Variants in DOCK2 observed in about 807,000 individuals in gnomAD.
The protein encoded by DOCK2 is dedicator of cytokinesis 2.
DOCK2 carries 87 observed loss-of-function variants against 248.9 expected under a neutral mutation model. The observed-to-expected ratio is 0.35, with a 90% confidence interval of 0.29 to 0.42. The LOEUF is 0.42. DOCK2 is among the 10% of genes least tolerant of loss of function. The pLI is 1.00. For synonymous variants in DOCK2, 805 were observed against 821.6 expected (o/e 0.98, Z 0.35); for missense variants, 1,747 against 2,300.2 (o/e 0.76, Z 4.92).
chr5:169,770,463 T>C (rs960656552), intron 25 of DOCK2, among the ~76,000 whole-genome samples: 16 of 149,860 alleles, frequency 1.1e-4, no homozygotes, highest in Non-Finnish European at 7.4e-5. Flanking sequence ...TCTGGTGAAG[T>C]TTTTTAAAAA....
At chr5:170,056,619 G>T in intron 42 of DOCK2, 65 bp from the exon 43 acceptor site, 1 of 1,361,504 alleles carries the variant, frequency 7.3e-7, no homozygotes. Flanking sequence ...GACAGTGCAG[G>T]GTCAGATCGG....
At chr5:170,046,156 G>T (rs1037950439) in intron 39 of DOCK2, among the ~76,000 whole-genome samples, 8 of 152,224 alleles carry the variant, frequency 5.3e-5, no homozygotes, top group African/African-American at 1.9e-4. Context: ...CCTGCGAGGG[G>T]CTGCAACTGC....
At chr5:169,806,988 C>T (rs1324773831) in intron 26 of DOCK2, among the ~76,000 whole-genome samples, 2 of 151,966 alleles carry the variant, frequency 1.3e-5, no homozygotes, top group South Asian at 2.1e-4. Context: ...GATCCGGAAC[C>T]GCTGAATATG....
At chr5:169,898,213 C>A (rs556414342) in intron 27 of DOCK2, among the ~76,000 whole-genome samples, 1 of 152,258 alleles carries the variant, frequency 6.6e-6, no homozygotes, top group African/African-American at 2.4e-5. Context: ...GCTCCCACAG[C>A]TCTACCCCAG....
chr5:170,053,015 C>T (rs1239797337), intron 41 of DOCK2, among the ~76,000 whole-genome samples: 2 of 152,230 alleles, frequency 1.3e-5, no homozygotes, highest in African/African-American at 4.8e-5. Context: ...GATCTCATTT[C>T]TCACTTAGGT....
At chr5:169,788,124 C>T (rs1241496234) in intron 25 of DOCK2, among the ~76,000 whole-genome samples, 1 of 152,060 alleles carries the variant, frequency 6.6e-6, no homozygotes, top group Non-Finnish European at 1.5e-5. Flanking sequence ...TTCAAGAAAA[C>T]CTTCTGCTCT....
At chr5:169,924,480 AT>A (rs1246668848) in intron 27 of DOCK2, among the ~76,000 whole-genome samples, 1 of 152,102 alleles carries the variant, frequency 6.6e-6, no homozygotes, top group East Asian at 1.9e-4. Context: ...GACTTTTCTC[AT>A]TTATTTGTTC....
At chr5:169,966,322 C>CA (rs1371550148) in intron 27 of DOCK2, among the ~76,000 whole-genome samples, 5 of 152,134 alleles carry the variant, frequency 3.3e-5, no homozygotes, top group Admixed American at 2.0e-4. Context: ...TGGCATGACT[C>CA]AGAGTTTAAA....
chr5:170,041,052 CAGGT>C lies in DOCK2; in HGVS notation c.3666-1_3668del. 1 of 1,613,248 alleles carries C rather than the reference CAGGT, an allele frequency of 6.2e-7. No individual in the cohort carries two copies. Among genetic ancestry groups the C allele is most frequent in the Non-Finnish European group, 8.5e-7 (1 of 1,179,686 alleles). ...AGCTTACTGCATATTTTCCCTCAAA[CAGGT>C]ACCTGTACAAACTCCGCGATCTTCA... On this transcript the variant is annotated splice_acceptor_variant and coding_sequence_variant, in exon 37 of 52. Transcript: ENST00000520908. LOFTEE classifies it high-confidence loss of function.
rs1190170952 is a variant in DOCK2 at position 169,882,913 on chromosome 5, C to G, written c.2799+42061C>G. 6.4e-7 allele frequency: 1 copy of G among 1,551,810 alleles called. No individual in the cohort carries two copies. The highest frequency in any genetic ancestry group is 8.7e-7 in the Non-Finnish European group (1 of 1,146,992). ...CTGGTGATTGTTACTTGATGAAGGA[C>G]AGTCTGAGGCTCTTCCTGGGTGGGC... On this transcript the variant is annotated intron_variant, in intron 27 of 51. Transcript: ENST00000520908.
intron 32 of DOCK2, among the ~76,000 whole-genome samples, chr5:170,017,093 A>C: frequency 6.6e-6 from 1 of 152,048 alleles, no homozygotes; most frequent in Admixed American, 6.6e-5. Flanking sequence ...ATTTTATTTT[A>C]ATCTGAATCC....
At chr5:170,076,677 C>G (rs570224525) in intron 47 of DOCK2, among the ~76,000 whole-genome samples, 1 of 152,302 alleles carries the variant, frequency 6.6e-6, no homozygotes, top group East Asian at 1.9e-4. Flanking sequence ...CCATGCAATT[C>G]CTTTAAAACC....
chr5:169,849,203 C>A lies in DOCK2; in HGVS notation c.2799+8351C>A, dbSNP rs148785523. ...AAGCTATCATTTAATGGCACAGGCACCCTGTATGCTAGGCAAATAGCTAAG... is the reference window on the plus strand; with the variant it reads ...AAGCTATCATTTAATGGCACAGGCAACCTGTATGCTAGGCAAATAGCTAAG... On this transcript the variant is annotated intron_variant, in intron 27 of 51. Transcript: ENST00000520908. Among the ~76,000 whole-genome samples, 681 of 152,286 alleles carry A rather than the reference C, an allele frequency of 4.5e-3. 8 individuals carry two copies. Among genetic ancestry groups the A allele is most frequent in the African/African-American group, 0.015 (644 of 41,564 alleles).
chr5:169,669,449 T>A (rs1304253589), intron 3 of DOCK2, 121 bp downstream of exon 3: 1 of 1,057,066 alleles, frequency 9.5e-7, no homozygotes, highest in Admixed American at 1.9e-5. Flanking sequence ...CTCTCCCTCC[T>A]GTGCCCTGTG....
chr5:169,919,524 T>C (rs749580888), intron 27 of DOCK2, among the ~76,000 whole-genome samples: 12 of 152,230 alleles, frequency 7.9e-5, no homozygotes, highest in Non-Finnish European at 1.8e-4. Flanking sequence ...TGGTTTTGTT[T>C]TGACCTTAAT....
At position 170,082,000 on chromosome 5, in the gene DOCK2, G is replaced by T. The variant is rs2113881340; in HGVS notation, c.5430+16G>T. The T allele has an allele frequency of 6.2e-7, 1 of 1,612,320 alleles. No individual in the cohort carries two copies. The highest frequency in any genetic ancestry group is 8.5e-7 in the Non-Finnish European group (1 of 1,179,020). ...CAAGACAATGGTGAGGACATTGAGG[G>T]TGGAAGGAAAGGAAGGCATTGGGAG... is the stretch of plus-strand genomic sequence containing the variant. On this transcript the variant is annotated intron_variant, in intron 51 of 51. Transcript: ENST00000520908.
At chr5:170,082,745 C>T (rs1758077814) in intron 51 of DOCK2, 51 bp from the exon 52 acceptor site, 1 of 1,610,416 alleles carries the variant, frequency 6.2e-7, no homozygotes, top group South Asian at 1.1e-5. Context: ...CATTTTGGTG[C>T]TTAATCTGAT....
chr5:170,063,135 A>G (rs1757386742), intron 44 of DOCK2, among the ~76,000 whole-genome samples: 1 of 152,170 alleles, frequency 6.6e-6, no homozygotes, highest in Non-Finnish European at 1.5e-5. Context: ...GACCACAGGA[A>G]AAAAAAGCAG....
chr5:169,716,399 C>T, intron 20 of DOCK2, 97 bp downstream of exon 20: 1 of 1,215,366 alleles, frequency 8.2e-7, no homozygotes, highest in Admixed American at 1.9e-5. Flanking sequence ...GCCCTCATGG[C>T]CTTTTTCATG....
Sources: gnomAD v4.1 joint callset for allele counts (sites outside exome capture counted in the v4.1 genomes callset) on GRCh38, gnomAD v4.1.1 for gene constraint, MANE v1.5 for transcripts, NCBI Gene and HGNC (gene_info 2026-07-23, HGNC 2026-07-21) for gene names.